Variants in UST observed in about 807,000 individuals in gnomAD.
UST encodes uronyl 2-sulfotransferase.
Under a neutral mutation model 45.6 loss-of-function variants are expected in UST, and 21 were observed. That is an observed-to-expected ratio of 0.46 (90% confidence interval 0.33 to 0.66). The LOEUF is 0.66. UST is among the 30% of genes least tolerant of loss of function. UST has a pLI of 0.02. For synonymous variants in UST, 215 were observed against 200.6 expected (o/e 1.07, Z -0.61); for missense variants, 463 against 512.4 (o/e 0.90, Z 0.93).
At chr6:148,799,618 C>T (rs1777018899) in intron 1 of UST, among the ~76,000 whole-genome samples, 1 of 152,002 alleles carries the variant, frequency 6.6e-6, no homozygotes, top group Admixed American at 6.6e-5. Context: ...CACTTAGGTC[C>T]CCATCACTCC....
At position 148,884,681 on chromosome 6, in the gene UST, A is replaced by C. The variant is rs1778881263; in HGVS notation, c.248-2305A>C. ...GTGTAGAGAAATTGAGTTTAAGCAGAGGGCTACCATGATCTAGTAGATAAG... is the reference window on the plus strand; with the variant it reads ...GTGTAGAGAAATTGAGTTTAAGCAGCGGGCTACCATGATCTAGTAGATAAG... On this transcript the variant is annotated intron_variant, in intron 1 of 7. Transcript: ENST00000367463. Among the ~76,000 whole-genome samples the C allele has an allele frequency of 2.0e-5, 3 of 151,944 alleles. 1 individual carries two copies. In the South Asian group the frequency reaches 6.2e-4, roughly 32 times the overall value.
At chr6:148,782,243 G>GTCAT (rs1776656731) in intron 1 of UST, among the ~76,000 whole-genome samples, 2 of 147,594 alleles carry the variant, frequency 1.4e-5, no homozygotes. Flanking sequence ...AAGAACATTT[G>GTCAT]TCATTCATGG....
At chr6:148,957,552 GC>G (rs1234941692) in intron 4 of UST, among the ~76,000 whole-genome samples, 3 of 152,128 alleles carry the variant, frequency 2.0e-5, no homozygotes, top group African/African-American at 7.2e-5. Context: ...TCCTGCCTCA[GC>G]CTCCCGAGTA....
At chr6:149,011,167 G>C (rs190853655) in intron 5 of UST, among the ~76,000 whole-genome samples, 187 of 152,266 alleles carry the variant, frequency 1.2e-3, no homozygotes, top group Non-Finnish European at 7.2e-4. Flanking sequence ...AGGTCATGTT[G>C]AATGGAACTG....
At chr6:148,925,342 G>A (rs547532080) in intron 2 of UST, among the ~76,000 whole-genome samples, 76 of 152,216 alleles carry the variant, frequency 5.0e-4, no homozygotes, top group African/African-American at 1.8e-3. Context: ...GCAAAAGCAG[G>A]CACAAGCTTT....
At chr6:148,976,836 G>GT (rs1408552156) in intron 5 of UST, among the ~76,000 whole-genome samples, 1 of 151,956 alleles carries the variant, frequency 6.6e-6, no homozygotes, top group Non-Finnish European at 1.5e-5. Flanking sequence ...TCTTTGTGAT[G>GT]TTTTTTACAT....
chr6:149,015,268 T>C (rs1775880140), intron 5 of UST, among the ~76,000 whole-genome samples: 1 of 152,130 alleles, frequency 6.6e-6, no homozygotes, highest in Non-Finnish European at 1.5e-5. Context: ...AAGCATATGG[T>C]TTTTAAAATA....
At position 148,953,855 on chromosome 6, in the gene UST, T is replaced by C; in HGVS notation, c.448-17T>C. ...AAATTAGATCCTATATATGCTAATTTTTACTTTTTTTAATAGATGGAACTG... is the reference window on the plus strand; with the variant it reads ...AAATTAGATCCTATATATGCTAATTCTTACTTTTTTTAATAGATGGAACTG... On this transcript the variant is annotated splice_polypyrimidine_tract_variant and intron_variant, in intron 3 of 7. Transcript: ENST00000367463. 6.5e-7 allele frequency: 1 copy of C among 1,536,324 alleles called. No homozygotes were observed. The highest frequency in any genetic ancestry group is 8.9e-7 in the Non-Finnish European group (1 of 1,128,692).
intron 7 of UST, among the ~76,000 whole-genome samples, chr6:149,063,006 C>G (rs1776677959): frequency 6.6e-6 from 1 of 152,188 alleles, no homozygotes; most frequent in South Asian, 2.1e-4. Flanking sequence ...TGGCCTCATG[C>G]CAGGTTTTAT....
chr6:149,053,183 A>C (rs540586554), intron 7 of UST, among the ~76,000 whole-genome samples: 2 of 152,298 alleles, frequency 1.3e-5, no homozygotes, highest in Admixed American at 1.3e-4. Context: ...TGACATATTC[A>C]CTGTTAAATT....
chr6:149,016,482 C>T (rs1023722645), intron 5 of UST, among the ~76,000 whole-genome samples: 5 of 151,488 alleles, frequency 3.3e-5, no homozygotes, highest in Admixed American at 3.3e-4. Flanking sequence ...TCTCCTTCTG[C>T]CATTTATTCA....
At chr6:148,823,162 G>A (rs1777498346) in intron 1 of UST, among the ~76,000 whole-genome samples, 1 of 152,212 alleles carries the variant, frequency 6.6e-6, no homozygotes, top group African/African-American at 2.4e-5. Flanking sequence ...AATATCACAT[G>A]AAGTGTTGAT....
intron 1 of UST, among the ~76,000 whole-genome samples, chr6:148,758,149 A>G (rs1776131381): frequency 6.6e-6 from 1 of 152,182 alleles, no homozygotes; most frequent in Admixed American, 6.5e-5. Context: ...GGGGGAGTAT[A>G]CAGATTCACT....
At chr6:148,941,469 T>C in intron 3 of UST, 35 bp downstream of exon 3, 19 of 1,564,470 alleles carry the variant, frequency 1.2e-5, no homozygotes, top group Non-Finnish European at 1.6e-5. Flanking sequence ...AATTGTGTTT[T>C]GCTTCAGCTC....
chr6:148,987,399 C>T (rs549474751), intron 5 of UST, among the ~76,000 whole-genome samples: 3 of 152,310 alleles, frequency 2.0e-5, no homozygotes, highest in African/African-American at 7.2e-5. Flanking sequence ...GCACTGCAGT[C>T]TCTGCACCAA....
chr6:148,971,124 A>C (rs1780908610), intron 5 of UST, among the ~76,000 whole-genome samples: 2 of 152,150 alleles, frequency 1.3e-5, no homozygotes, highest in South Asian at 2.1e-4. Context: ...ACACTTGGCT[A>C]TGCCACTTAT....
In UST at chr6:148,803,567, T is replaced by C. The variant is rs77506569; in HGVS notation, c.247+55890T>C. 4.3e-3 allele frequency among the ~76,000 whole-genome samples: 662 copies of C among 152,342 alleles called. 6 individuals are homozygous for C. The highest frequency in any genetic ancestry group is 0.015 in the African/African-American group (640 of 41,578). On this transcript the variant is annotated intron_variant, in intron 1 of 7. Transcript: ENST00000367463. The stretch of plus-strand genomic sequence containing the variant: ...GTAGTAGTCTTCTAACTAGCTTACC[T>C]ATATCAACTCAGATTTCATGCTGAA...
At chr6:148,958,590 A>G (rs949308766) in intron 4 of UST, among the ~76,000 whole-genome samples, 50 of 152,202 alleles carry the variant, frequency 3.3e-4, no homozygotes, top group African/African-American at 1.1e-3. Flanking sequence ...TTCAGTTTTC[A>G]GAGTTAACTT....
chr6:148,781,974 G>T (rs1776652242), intron 1 of UST, among the ~76,000 whole-genome samples: 1 of 152,182 alleles, frequency 6.6e-6, no homozygotes, highest in Non-Finnish European at 1.5e-5. Context: ...GTCTCTGATG[G>T]AGATGTACAA....
Sources: allele counts gnomAD v4.1 joint callset (sites outside exome capture counted in the v4.1 genomes callset), GRCh38; gene constraint gnomAD v4.1.1; transcripts MANE v1.5; gene names NCBI Gene and HGNC (gene_info 2026-07-23, HGNC 2026-07-21).